PHF12: variants seen among roughly 807,000 people sequenced by gnomAD.
PHF12 encodes the protein PHD factor 1.
Under a neutral mutation model 99.8 loss-of-function variants are expected in PHF12, and 6 were observed. That is an observed-to-expected ratio of 0.06 (90% CI 0.03 to 0.12). The LOEUF is 0.12. PHF12 is among the 10% of genes least tolerant of loss of function. PHF12 has a pLI of 1.00. For synonymous variants in PHF12, 480 were observed against 514.9 expected, an observed-to-expected ratio of 0.93 and a Z score of 0.92; for missense variants, 954 against 1,300.1, an observed-to-expected ratio of 0.73 and a Z score of 4.09.
intron 2 of PHF12, among the ~76,000 whole-genome samples, chr17:28,940,466 T>C (rs1350900096): frequency 3.3e-5 from 5 of 152,272 alleles, no homozygotes; most frequent in Admixed American, 6.5e-5. Context: ...GGTGCACATG[T>C]AATTTACTTA....
intron 2 of PHF12, among the ~76,000 whole-genome samples, chr17:28,946,594 G>A (rs1339583204): frequency 1.3e-5 from 2 of 152,232 alleles, no homozygotes; most frequent in Non-Finnish European, 2.9e-5. Context: ...AGGCAGACTG[G>A]CAAGGAATAC....
At chr17:28,924,668 G>C (rs1004607880) in intron 3 of PHF12, 9 of 327,722 alleles carry the variant, frequency 2.7e-5, no homozygotes, top group Non-Finnish European at 5.3e-5. Flanking sequence ...AAAAATCAAT[G>C]GGGCAGGCAC....
At chr17:28,940,841 A>G (rs907141620) in intron 2 of PHF12, among the ~76,000 whole-genome samples, 4 of 152,160 alleles carry the variant, frequency 2.6e-5, no homozygotes, top group African/African-American at 9.7e-5. Flanking sequence ...TAGGACTTGC[A>G]CTGAATACAA....
rs771705519 is a variant in PHF12 at position 28,912,538 on chromosome 17, T to C, written c.2033A>G (p.Asp678Gly). 39 of 1,612,896 alleles carry C rather than the reference T, an allele frequency of 2.4e-5. No homozygotes were observed. Among genetic ancestry groups the C allele is most frequent in the Non-Finnish European group, 3.1e-5 (37 of 1,178,954 alleles). ...GTTGGCTGTTGTGGCCAAGATACCA[T>C]CTCCTGCTGCTTGCGGGGGAGTGAG... The part of the protein sequence containing the change: ...RVLTPPQAAG[D>G]GILATTANQR... Residue 678 changes from aspartate (D) to glycine (G), a missense_variant, in exon 9 of 15, where the codon GAT (aspartate) becomes GGT (glycine). Physicochemically the swap from Asp to Gly is moderately conservative, Grantham distance 94. Coordinates refer to ENST00000332830, the MANE Select transcript of PHF12 (RefSeq NM_001033561.2).
chr17:28,931,495 G>T (rs1005273070), intron 2 of PHF12, among the ~76,000 whole-genome samples: 1 of 149,016 alleles, frequency 6.7e-6, no homozygotes, highest in African/African-American at 2.5e-5. Context: ...AACCTCAAGT[G>T]ATCCACCCAC....
At chr17:28,948,037 A>G (rs547800264) in intron 2 of PHF12, among the ~76,000 whole-genome samples, 2 of 152,360 alleles carry the variant, frequency 1.3e-5, no homozygotes, top group East Asian at 3.9e-4. Context: ...GTCTAATTAA[A>G]AAATTCAGAG....
intron 2 of PHF12, among the ~76,000 whole-genome samples, chr17:28,941,813 G>T (rs1263669005): frequency 6.6e-6 from 1 of 152,084 alleles, no homozygotes. Context: ...CACCATGTTG[G>T]TCAGGCTGGT....
At chr17:28,907,081 G>T in intron 13 of PHF12, 87 bp from the exon 14 acceptor site, 1 of 1,445,530 alleles carries the variant, frequency 6.9e-7, no homozygotes, top group Non-Finnish European at 9.4e-7. Flanking sequence ...AGAAGGCCGT[G>T]CTACTCTACC....
intron 11 of PHF12, chr17:28,909,518 G>C: frequency 6.5e-6 from 1 of 153,470 alleles, no homozygotes; most frequent in East Asian, 1.9e-4. Flanking sequence ...TTGGCCTAGT[G>C]TTATTCTATT....
At position 28,906,300 on chromosome 17, in the gene PHF12, C is replaced by A; in HGVS notation, c.2898G>T (p.Glu966Asp). The A allele has an allele frequency of 6.2e-7, 1 of 1,614,244 alleles. No individual in the cohort carries two copies. Among genetic ancestry groups the A allele is most frequent in the East Asian group, 2.2e-5 (1 of 44,886 alleles). Residue 966 changes from glutamate to aspartate, a missense_variant, in exon 15 of 15, where the codon GAG becomes GAT. Coordinates refer to ENST00000332830, the MANE Select transcript of PHF12 (RefSeq NM_001033561.2). The surrounding 1 kb of genome is among the most constrained non-coding windows in gnomAD (Gnocchi z 4.2). ...GCLQFVFSIT[E>D]FATKQPKGDA... ...CGCCTTTGGGCTGTTTGGTCGCAAA[C>A]TCAGTGATGCTGAAGACAAACTGCA...
At chr17:28,911,007 G>T in intron 10 of PHF12, 105 bp downstream of exon 10, 2 of 1,515,938 alleles carry the variant, frequency 1.3e-6, no homozygotes, top group Non-Finnish European at 1.8e-6. Context: ...TAGGCCTCTG[G>T]GATCAGGTGT....
chr17:28,917,180 T>C, intron 7 of PHF12, 105 bp downstream of exon 7: 1 of 1,493,660 alleles, frequency 6.7e-7, no homozygotes, highest in Non-Finnish European at 9.2e-7. Context: ...CAAACCTATT[T>C]CTGGGGCTTC....
chr17:28,905,867 G>T lies in PHF12; in HGVS notation c.*316C>A. 3.8e-6 allele frequency: 1 copy of T among 261,746 alleles called. No individual in the cohort carries two copies. Among genetic ancestry groups the T allele is most frequent in the Non-Finnish European group, 7.1e-6 (1 of 139,868 alleles). 16.2% of individuals were successfully genotyped at this position (261,746 alleles called of 1,614,324 possible). A position where few individuals can be genotyped will look rare whatever the true frequency, so the allele number is the denominator to read the frequency against. ...GAGGGGGAGGGAGCAGGAGGTGGGT[G>T]GGGAAGGGTTTTGTGTTGGAGGAAG... On this transcript the variant is annotated 3_prime_UTR_variant, in exon 15 of 15. Transcript: ENST00000332830.
chr17:28,949,817 T>A lies in PHF12; in HGVS notation c.248+248A>T. On this transcript the variant is annotated intron_variant, in intron 2 of 14. Transcript: ENST00000332830. This position sits in a 1 kb window ranked among gnomAD's most constrained non-coding sequence, Gnocchi z 4.6. ...GTCCCGGCTCCCCAGCGACTTCCAA[T>A]CCCATATGGGGTTCTCTTCACTCGT... 2.5e-6 allele frequency: 1 copy of A among 397,618 alleles called. No homozygotes were observed. The highest frequency in any genetic ancestry group is 4.0e-5 in the East Asian group (1 of 25,220). 24.6% of individuals were successfully genotyped at this position (397,618 alleles called of 1,614,324 possible).
chr17:28,906,460 C>T lies in PHF12; in HGVS notation c.2738G>A (p.Ser913Asn). Residue 913 changes from serine to asparagine, a missense_variant, in exon 15 of 15, where the codon AGT becomes AAT. Coordinates refer to ENST00000332830, the MANE Select transcript of PHF12 (RefSeq NM_001033561.2). This position sits in a 1 kb window ranked among gnomAD's most constrained non-coding sequence, Gnocchi z 4.2. Reference protein sequence around the residue: ...EEPSEEAAMMSSQAQGPQRRP... With the variant: ...EEPSEEAAMMNSQAQGPQRRP... Reference sequence around the variant, plus strand: ...CCGCTGCGGCCCCTGGGCCTGGGAACTCATCATGGCTGCCTCCTCACTTGG... The same window carrying T: ...CCGCTGCGGCCCCTGGGCCTGGGAATTCATCATGGCTGCCTCCTCACTTGG... 6.2e-7 allele frequency: 1 copy of T among 1,613,496 alleles called. No homozygotes were observed. The highest frequency in any genetic ancestry group is 8.5e-7 in the Non-Finnish European group (1 of 1,179,684).
intron 9 of PHF12, among the ~76,000 whole-genome samples, chr17:28,911,897 C>T (rs1031252844): frequency 6.6e-6 from 1 of 152,248 alleles, no homozygotes; most frequent in Non-Finnish European, 1.5e-5. Context: ...CCTGAAGGAC[C>T]GCCCTTTGGC....
chr17:28,950,834 G>C lies in PHF12; in HGVS notation c.66+61C>G. Reference sequence around the variant, plus strand: ...TTCGAGTTTAGGACTGGCTTTGTGGGGCGGAGGGCGGAGGTTCCCTCCCGG... The same window carrying C: ...TTCGAGTTTAGGACTGGCTTTGTGGCGCGGAGGGCGGAGGTTCCCTCCCGG... On this transcript the variant is annotated intron_variant, in intron 1 of 14. Coordinates refer to ENST00000332830, the MANE Select transcript of PHF12 (RefSeq NM_001033561.2). The surrounding 1 kb of genome is among the most constrained non-coding windows in gnomAD (Gnocchi z 5.7). The C allele has an allele frequency of 6.2e-7, 1 of 1,601,810 alleles. No individual in the cohort carries two copies.
intron 2 of PHF12, among the ~76,000 whole-genome samples, chr17:28,948,460 A>G (rs1176355406): frequency 1.3e-5 from 2 of 152,264 alleles, no homozygotes; most frequent in Non-Finnish European, 2.9e-5. Flanking sequence ...TCACTTCATA[A>G]TAAAAATTTT....
Position 28,921,764 on chromosome 17 carries a change from C to T in PHF12, c.760G>A (p.Val254Ile), listed in dbSNP as rs2040170531. The T allele has an allele frequency of 6.2e-7, 1 of 1,614,030 alleles. No individual in the cohort carries two copies. Residue 254 changes from valine (V) to isoleucine (I), a missense_variant, in exon 5 of 15, where the codon GTT becomes ATT. Physicochemically the swap from Val to Ile is conservative, Grantham distance 29 (BLOSUM62 3). This residue lies in a region of PHF12 where 85 missense variants were observed against 196.6 expected (regional missense o/e 0.43). Coordinates refer to ENST00000332830, the MANE Select transcript of PHF12 (RefSeq NM_001033561.2). Reference protein sequence around the residue: ...RRKEETTGKNVKKTQHELDHN... With the variant: ...RRKEETTGKNIKKTQHELDHN... ...TCTAATTCATGCTGTGTCTTCTTAA[C>T]ATTTTTCCCTGTGGTTTCCTCCTTT...
Sources: gnomAD v4.1 joint callset for allele counts (sites outside exome capture counted in the v4.1 genomes callset) on GRCh38, gnomAD v4.1.1 for gene constraint, gnomAD v4.1.1 regional missense constraint, Gnocchi (gnomAD v3.1) non-coding constraint, MANE v1.5 for transcripts, NCBI Gene and HGNC (gene_info 2026-07-23, HGNC 2026-07-21) for gene names.